The following TASP1 variants were observed in gnomAD, a reference collection of about 807,000 sequenced individuals.
TASP1 encodes the protein threonine aspartase 1.
In TASP1, 16 loss-of-function variants were observed where a neutral mutation model predicts 56.6. That is an observed-to-expected ratio of 0.28 (90% CI 0.19 to 0.43). TASP1 has a LOEUF of 0.43. Ranked by LOEUF, TASP1 falls within the 20% of genes least tolerant of loss-of-function variation. The probability of loss-of-function intolerance (pLI) is 1.00; values close to 1 mark genes in which losing one functional copy is unlikely to be tolerated. For synonymous variants in TASP1, 179 were observed against 184.2 expected (o/e 0.97, Z 0.23); for missense variants, 393 against 511.6 (o/e 0.77, Z 2.24).
chr20:13,509,631 T>C (rs1168799578), intron 10 of TASP1, among the ~76,000 whole-genome samples: 1 of 152,102 alleles, frequency 6.6e-6, no homozygotes. Context: ...TTTCCTGTTT[T>C]TGTTTTTGTT....
chr20:13,329,451 A>AGC, the TASP1 span, among the ~76,000 whole-genome samples: 1 of 152,228 alleles, frequency 6.6e-6, no homozygotes, highest in Non-Finnish European at 1.5e-5. Flanking sequence ...TCACCTTTCT[A>AGC]GCTTCCTGAA....
chr20:13,197,415 C>T, the TASP1 span, among the ~76,000 whole-genome samples: 7 of 152,186 alleles, frequency 4.6e-5, no homozygotes, highest in Admixed American at 2.0e-4. Flanking sequence ...AGGGACTGTG[C>T]TGGGCTAGAA....
intron 6 of TASP1, among the ~76,000 whole-genome samples, chr20:13,573,544 T>C (rs2046791604): frequency 6.6e-6 from 1 of 152,226 alleles, no homozygotes; most frequent in African/African-American, 2.4e-5. Context: ...ATTCCCTGAG[T>C]ACCCTAAATC....
intron 1 of TASP1, among the ~76,000 whole-genome samples, chr20:13,631,407 T>C (rs1325035114): frequency 6.6e-6 from 1 of 152,234 alleles, no homozygotes; most frequent in Non-Finnish European, 1.5e-5. Flanking sequence ...CTTCCAAAGA[T>C]TTCACAAGAA....
At chr20:13,310,574 T>C in the TASP1 span, among the ~76,000 whole-genome samples, 1 of 152,168 alleles carries the variant, frequency 6.6e-6, no homozygotes, top group Admixed American at 6.5e-5. Context: ...GCAAACGGGT[T>C]TGCATCAAAG....
chr20:13,492,595 G>C (rs976598534), intron 10 of TASP1, among the ~76,000 whole-genome samples: 4 of 152,140 alleles, frequency 2.6e-5, no homozygotes, highest in Non-Finnish European at 5.9e-5. Flanking sequence ...AACATAAGGA[G>C]CTTCATAAAG....
chr20:13,546,189 TA>T (rs35738872), intron 8 of TASP1, among the ~76,000 whole-genome samples: 19 of 148,328 alleles, frequency 1.3e-4, no homozygotes, highest in Admixed American at 4.0e-4. Flanking sequence ...GGCCAAAGGT[TA>T]AAAAAAAAAG....
the TASP1 span, among the ~76,000 whole-genome samples, chr20:13,214,799 A>G: frequency 6.6e-6 from 1 of 152,210 alleles, no homozygotes; most frequent in Non-Finnish European, 1.5e-5. Flanking sequence ...GTCTACCACA[A>G]GGAACTACAG....
chr20:13,422,450 T>A (rs984753124), intron 12 of TASP1, among the ~76,000 whole-genome samples: 3 of 152,154 alleles, frequency 2.0e-5, no homozygotes, highest in African/African-American at 7.2e-5. Context: ...TATATAGATG[T>A]TACTTTAGCA....
the TASP1 span, chr20:13,160,108 A>C: frequency 1.2e-6 from 2 of 1,613,888 alleles, no homozygotes; most frequent in Non-Finnish European, 8.5e-7. Flanking sequence ...TTTCAGCGGC[A>C]CATACCCGGG....
intron 10 of TASP1, among the ~76,000 whole-genome samples, chr20:13,503,706 AAC>A (rs142870949): frequency 0.032 from 4,926 of 152,268 alleles, 263 homozygotes; most frequent in African/African-American, 0.11. Context: ...ATATATAGAC[AAC>A]ACAATAAAAT....
chr20:13,105,376 A>G, the TASP1 span, among the ~76,000 whole-genome samples: 10,447 of 152,274 alleles, frequency 0.069, 382 homozygotes, highest in South Asian at 0.11. Context: ...TCTCCATTCA[A>G]GTCAAACACA....
chr20:13,151,215 C>A, the TASP1 span, among the ~76,000 whole-genome samples: 1 of 152,212 alleles, frequency 6.6e-6, no homozygotes, highest in Non-Finnish European at 1.5e-5. Flanking sequence ...TCAATTTCTA[C>A]TCTTACTACC....
the TASP1 span, among the ~76,000 whole-genome samples, chr20:13,269,603 T>C: frequency 6.6e-6 from 1 of 152,158 alleles, no homozygotes; most frequent in Non-Finnish European, 1.5e-5. Flanking sequence ...GCTGTTCCTT[T>C]TGCTAAAATG....
chr20:13,274,670 G>GC, the TASP1 span, among the ~76,000 whole-genome samples: 274 of 23,426 alleles, frequency 0.012, no homozygotes, highest in Admixed American at 0.017. Context: ...TCCACTCCCC[G>GC]CCCCCCCCGC....
chr20:13,122,023 G>A, the TASP1 span, among the ~76,000 whole-genome samples: 3 of 152,168 alleles, frequency 2.0e-5, no homozygotes, highest in Non-Finnish European at 4.4e-5. Context: ...ATCTTTGTCA[G>A]TGATGGTCCC....
At chr20:13,214,562 C>CAGAGAGAGAGAGAGAGAGAGAG in the TASP1 span, among the ~76,000 whole-genome samples, 2 of 111,296 alleles carry the variant, frequency 1.8e-5, no homozygotes, top group Non-Finnish European at 4.0e-5. Flanking sequence ...CACACACACA[C>CAGAGAGAGAGAGAGAGAGAGAG]AGAGAGAGAG....
Position 13,600,614 on chromosome 20 carries a change from A to T in TASP1, c.283-13244T>A, listed in dbSNP as rs187916385. ...CCTACATGTAGGGGTTAAAACTATA[A>T]ACACTGTAAAAGAAAAAACAGGATA... On this transcript the variant is annotated intron_variant, in intron 4 of 13. Coordinates refer to ENST00000337743, the MANE Select transcript of TASP1 (RefSeq NM_017714.3). 7 of 152,326 alleles carry T rather than the reference A, an allele frequency of 4.6e-5. 1 individual carries two copies. Among genetic ancestry groups the T allele is most frequent in the Admixed American group, 4.6e-4 (7 of 15,296 alleles). The allele number at this position is 152,326 out of a possible 1,614,324, so 9.4% of individuals were successfully genotyped here. A position where few individuals can be genotyped will look rare whatever the true frequency, so the allele number is the denominator to read the frequency against.
At chr20:13,160,045 G>A in the TASP1 span, 1 of 1,613,370 alleles carries the variant, frequency 6.2e-7, no homozygotes, top group East Asian at 2.2e-5. Context: ...TTGGAGTGGT[G>A]GTCGTGGGAT....
Sources: gnomAD v4.1 joint callset for allele counts (sites outside exome capture counted in the v4.1 genomes callset) on GRCh38, gnomAD v4.1.1 for gene constraint, MANE v1.5 for transcripts, NCBI Gene and HGNC (gene_info 2026-07-23, HGNC 2026-07-21) for gene names.